The following KIF1B variants were observed in gnomAD, a reference collection of about 807,000 sequenced individuals.
The protein encoded by KIF1B is kinesin-like protein KIF1B.
In KIF1B, 76 loss-of-function variants were observed where a neutral mutation model predicts 241.9. The observed-to-expected ratio is 0.31, with a 90% CI of 0.26 to 0.38. The LOEUF is 0.38. Among genes scored for constraint, KIF1B ranks in the 10% least tolerant of loss-of-function variants. KIF1B has a pLI of 1.00. For synonymous variants in KIF1B, 750 were observed against 796.7 expected, an observed-to-expected ratio of 0.94 and a Z score of 0.99; for missense variants, 1,622 against 2,271.4, an observed-to-expected ratio of 0.71 and a Z score of 5.81.
chr1:10,267,304 A>G (rs1648521154), intron 5 of KIF1B, 76 bp from the exon 6 acceptor site: 2 of 1,282,132 alleles, frequency 1.6e-6, no homozygotes, highest in Admixed American at 3.5e-5. Context: ...CTGGGATTAC[A>G]GGCGTGAGCC....
At chr1:10,273,739 A>T (rs902824521) in intron 10 of KIF1B, among the ~76,000 whole-genome samples, 2 of 67,614 alleles carry the variant, frequency 3.0e-5, no homozygotes, top group African/African-American at 7.9e-5. Flanking sequence ...AAAAAAAAAA[A>T]CCCAACAAAC....
intron 44 of KIF1B, 92 bp from the exon 45 acceptor site, chr1:10,371,049 A>G (rs1638718295): frequency 2.8e-6 from 4 of 1,450,572 alleles, no homozygotes; most frequent in Middle Eastern, 1.8e-4. Flanking sequence ...GATGTATCAA[A>G]GTGAGGTTCT....
intron 27 of KIF1B, among the ~76,000 whole-genome samples, chr1:10,330,915 G>A (rs1427485623): frequency 1.3e-5 from 2 of 152,138 alleles, no homozygotes; most frequent in African/African-American, 4.8e-5. Context: ...CATAACGTTG[G>A]GGGACCTGTT....
intron 2 of KIF1B, among the ~76,000 whole-genome samples, chr1:10,233,059 T>C (rs1647002919): frequency 6.6e-6 from 1 of 152,218 alleles, no homozygotes; most frequent in Admixed American, 6.5e-5. Flanking sequence ...TCTTTAAATC[T>C]GTAATTTTGT....
chr1:10,222,882 T>C (rs1646862962), intron 1 of KIF1B, among the ~76,000 whole-genome samples: 1 of 152,262 alleles, frequency 6.6e-6, no homozygotes, highest in Non-Finnish European at 1.5e-5. Context: ...TCTACCTTTC[T>C]GCTCTGGCTT....
At chr1:10,341,318 G>A (rs1344875935) in intron 32 of KIF1B, among the ~76,000 whole-genome samples, 1 of 152,244 alleles carries the variant, frequency 6.6e-6, no homozygotes, top group Non-Finnish European at 1.5e-5. Context: ...CCTGAAGGAT[G>A]TAGTATAAGC....
intron 31 of KIF1B, among the ~76,000 whole-genome samples, chr1:10,339,246 A>T (rs1652299002): frequency 6.6e-6 from 1 of 152,162 alleles, no homozygotes; most frequent in Admixed American, 6.5e-5. Flanking sequence ...ACATTATTAC[A>T]GTGAAATCAT....
intron 1 of KIF1B, among the ~76,000 whole-genome samples, chr1:10,211,443 A>C (rs1378173478): frequency 2.0e-5 from 3 of 152,146 alleles, no homozygotes; most frequent in Non-Finnish European, 4.4e-5. Context: ...AGGTGTGAGG[A>C]AGGCTGGTGT....
intron 23 of KIF1B, among the ~76,000 whole-genome samples, chr1:10,321,350 T>G (rs952322288): frequency 1.3e-5 from 2 of 152,152 alleles, no homozygotes; most frequent in Non-Finnish European, 2.9e-5. Flanking sequence ...GTGATCCGCC[T>G]ACCTCTGCCT....
chr1:10,271,108 A>T (rs1332499311), intron 7 of KIF1B, among the ~76,000 whole-genome samples: 1 of 151,448 alleles, frequency 6.6e-6, no homozygotes, highest in Non-Finnish European at 1.5e-5. Flanking sequence ...AAATTATGTC[A>T]TGTTTATCCT....
chr1:10,241,643 ATGT>A (rs1647138307), intron 2 of KIF1B, among the ~76,000 whole-genome samples: 1 of 152,166 alleles, frequency 6.6e-6, no homozygotes, highest in Non-Finnish European at 1.5e-5. Context: ...TGTGCTTTGC[ATGT>A]TGTTGTTGTA....
chr1:10,363,189 T>C (rs1638470982), intron 40 of KIF1B, 94 bp from the exon 41 acceptor site: 1 of 913,074 alleles, frequency 1.1e-6, no homozygotes, highest in Non-Finnish European at 1.8e-6. Context: ...TTTGAGTCCC[T>C]GCAGAGAAGA....
At chr1:10,372,010 C>A (rs1030857443) in intron 45 of KIF1B, among the ~76,000 whole-genome samples, 1 of 152,162 alleles carries the variant, frequency 6.6e-6, no homozygotes, top group Non-Finnish European at 1.5e-5. Flanking sequence ...TTGCAACACA[C>A]CCTCTTGTGC....
At chr1:10,215,164 ATATATATATTTTTTT>A (rs1410399636) in intron 1 of KIF1B, among the ~76,000 whole-genome samples, 10 of 70,930 alleles carry the variant, frequency 1.4e-4, no homozygotes, top group African/African-American at 7.5e-4. Flanking sequence ...ATATATATAT[ATATATATATTTTTTT>A]TTTTTTTTTT....
intron 27 of KIF1B, 105 bp from the exon 28 acceptor site, chr1:10,334,415 C>A: frequency 1.1e-6 from 1 of 918,024 alleles, no homozygotes. Flanking sequence ...TAAGACAAGG[C>A]CAGAAGTCAG....
chr1:10,347,937 G>A (rs1652645851), intron 36 of KIF1B, 110 bp downstream of exon 36: 1 of 953,688 alleles, frequency 1.0e-6, no homozygotes, highest in South Asian at 1.3e-5. Flanking sequence ...CAGAGGGTGG[G>A]CGGGGCATTG....
chr1:10,274,586 C>A (rs548765413), intron 10 of KIF1B, among the ~76,000 whole-genome samples: 8 of 152,234 alleles, frequency 5.3e-5, no homozygotes, highest in African/African-American at 1.7e-4. Flanking sequence ...ACAAGAGTTA[C>A]TAGATTTGCA....
rs1377288741 is a variant in KIF1B, at chr1:10,379,565, G to A, written c.*2978G>A. On this transcript the variant is annotated 3_prime_UTR_variant, in exon 49 of 49. Transcript: ENST00000676179. ...GCTCTAGTTGTTGCTGTTGTGGCGG[G>A]AAAGTTAAGAAACATAGCCCTTAAG... is the stretch of plus-strand genomic sequence containing the variant. 4.3e-6 allele frequency: 1 copy of A among 231,848 alleles called. No homozygotes were observed. Among genetic ancestry groups the A allele is most frequent in the South Asian group, 1.8e-4 (1 of 5,522 alleles). 14.4% of individuals were successfully genotyped at this position (231,848 alleles called of 1,614,324 possible).
intron 15 of KIF1B, among the ~76,000 whole-genome samples, chr1:10,289,865 C>T (rs565171964): frequency 1.3e-5 from 2 of 152,290 alleles, no homozygotes; most frequent in South Asian, 4.1e-4. Flanking sequence ...GCCTGGATGA[C>T]AGAATGAGAC....
Sources: allele counts gnomAD v4.1 joint callset (sites outside exome capture counted in the v4.1 genomes callset), GRCh38; gene constraint gnomAD v4.1.1; transcripts MANE v1.5; gene names NCBI Gene and HGNC (gene_info 2026-07-23, HGNC 2026-07-21).